The following SEC14L2 variants were observed in gnomAD, a reference collection of about 807,000 sequenced individuals.
SEC14L2 encodes the protein SEC14 like lipid binding 2, also known as SEC14-like protein 2.
A neutral mutation model predicts 56.9 loss-of-function variants in SEC14L2; 50 were observed. The observed-to-expected ratio is 0.88, with a 90% CI of 0.70 to 1.11. The LOEUF (loss-of-function observed/expected upper bound fraction) is 1.11. SEC14L2 is among the 50% of genes most tolerant of loss of function. SEC14L2 has a pLI of 0.00. For missense variants in SEC14L2, 414 were observed against 500.7 expected, an observed-to-expected ratio of 0.83 and a Z score of 1.65; for synonymous variants, 179 against 188.5, an observed-to-expected ratio of 0.95 and a Z score of 0.41.
Position 30,424,709 on chromosome 22 carries a change from C to A in SEC14L2, c.*2302C>A. The A allele has an allele frequency of 2.2e-6, 1 of 456,554 alleles. No homozygotes were observed. The highest frequency in any genetic ancestry group is 1.5e-5 in the South Asian group (1 of 64,556). The allele number at this position is 456,554 out of a possible 1,614,324, so 28.3% of individuals were successfully genotyped here. ...CTCAGGGAGGCTAACAGCCAGTAGG[C>A]GGCACAGCTAGGATTTGAACCCAGG... is the stretch of plus-strand genomic sequence containing the variant. On this transcript the variant is annotated 3_prime_UTR_variant, in exon 12 of 12. Coordinates refer to ENST00000615189, the MANE Select transcript of SEC14L2 (RefSeq NM_012429.5).
At chr22:30,411,773 A>G (rs1934257390) in intron 8 of SEC14L2, among the ~76,000 whole-genome samples, 1 of 125,964 alleles carries the variant, frequency 7.9e-6, no homozygotes, top group African/African-American at 3.0e-5. Context: ...GGGTCCCTTG[A>G]AGGTCTTTTG....
chr22:30,399,806 T>C (rs1049259676), intron 2 of SEC14L2, 88 bp downstream of exon 2: 1 of 1,185,522 alleles, frequency 8.4e-7, no homozygotes, highest in Admixed American at 2.1e-5. Context: ...CCCTTGGCAA[T>C]TGAGGCATCT....
At chr22:30,402,766 A>C (rs1263861064) in intron 2 of SEC14L2, among the ~76,000 whole-genome samples, 2 of 151,236 alleles carry the variant, frequency 1.3e-5, no homozygotes, top group East Asian at 1.9e-4. Flanking sequence ...CCTAAAAAAA[A>C]CCCAAAACCC....
chr22:30,404,316 A>G (rs2283869), intron 2 of SEC14L2, among the ~76,000 whole-genome samples: 1 of 152,008 alleles, frequency 6.6e-6, no homozygotes, highest in Non-Finnish European at 1.5e-5. Context: ...TTCTGCCAGG[A>G]CGTGTCCGGC....
intron 2 of SEC14L2, among the ~76,000 whole-genome samples, chr22:30,402,604 G>A (rs1327007231): frequency 6.6e-6 from 1 of 152,082 alleles, no homozygotes; most frequent in Admixed American, 6.6e-5. Context: ...TCCTTTCCAG[G>A]AAGCCACCCC....
chr22:30,407,335 T>C, intron 4 of SEC14L2, 80 bp from the exon 5 acceptor site: 1 of 1,528,242 alleles, frequency 6.5e-7, no homozygotes, highest in Non-Finnish European at 9.0e-7. Context: ...AAGATACTGA[T>C]GAACCTGGAG....
chr22:30,412,463 T>C (rs1569209672), intron 8 of SEC14L2, among the ~76,000 whole-genome samples: 1 of 151,606 alleles, frequency 6.6e-6, no homozygotes, highest in Admixed American at 6.6e-5. Context: ...GCAAGAGGTG[T>C]TGCAAGCCTG....
At chr22:30,406,533 GCATT>G (rs1601775640) in intron 3 of SEC14L2, 148 bp downstream of exon 3, 1 of 728,968 alleles carries the variant, frequency 1.4e-6, no homozygotes, top group Non-Finnish European at 2.4e-6. Flanking sequence ...GGGACAAATT[GCATT>G]CCCTTCCCTG....
intron 2 of SEC14L2, among the ~76,000 whole-genome samples, chr22:30,401,149 C>T (rs868244405): frequency 5.6e-4 from 85 of 151,664 alleles, no homozygotes; most frequent in Middle Eastern, 3.4e-3. Context: ...TGGGCATGAT[C>T]GTAGGTCACT....
intron 1 of SEC14L2, 148 bp from the exon 2 acceptor site, chr22:30,399,495 G>C (rs5753124): frequency 0.75 from 300,500 of 402,424 alleles, 115,346 homozygotes; most frequent in South Asian, 0.89. Context: ...GCCTGGGCGA[G>C]AGTGCGAGAC....
intron 1 of SEC14L2, among the ~76,000 whole-genome samples, chr22:30,399,094 T>C (rs1933843562): frequency 6.6e-6 from 1 of 152,128 alleles, no homozygotes; most frequent in Non-Finnish European, 1.5e-5. Flanking sequence ...GGAGCCCTTG[T>C]TGTGGGGCAG....
chr22:30,406,473 C>G, intron 3 of SEC14L2, 88 bp downstream of exon 3: 2 of 1,371,916 alleles, frequency 1.5e-6, no homozygotes, highest in South Asian at 2.4e-5. Context: ...CCATCCCAAT[C>G]ACAGCTTTTG....
chr22:30,416,099 G>A lies in SEC14L2; in HGVS notation c.911+12G>A. The A allele has an allele frequency of 6.2e-7, 1 of 1,614,020 alleles. No individual in the cohort carries two copies. The highest frequency in any genetic ancestry group is 8.5e-7 in the Non-Finnish European group (1 of 1,179,874). On this transcript the variant is annotated intron_variant, in intron 10 of 11. Transcript: ENST00000615189. The stretch of plus-strand genomic sequence containing the variant: ...GGCTGTGTCCTCAGGTAGGGGCCTG[G>A]GCCCTTCCAGGAGACCCGAGCTTTC...
intron 2 of SEC14L2, among the ~76,000 whole-genome samples, chr22:30,401,775 C>G (rs1933944699): frequency 6.6e-6 from 1 of 151,304 alleles, no homozygotes; most frequent in East Asian, 1.9e-4. Context: ...TCCGCCTTGG[C>G]CTATTTTTAC....
At position 30,410,731 on chromosome 22, in the gene SEC14L2, C is replaced by A. The variant is rs1186967014; in HGVS notation, c.664+52C>A. 7 of 1,549,092 alleles carry A rather than the reference C, an allele frequency of 4.5e-6. No individual in the cohort carries two copies. In the East Asian group the frequency reaches 1.6e-4, roughly 35 times the overall value. ...CCAAAGGAGGGTCTGTAGCCTAAAT[C>A]GGGTCCAGCTTTAGGGGTGTGGCCG... On this transcript the variant is annotated intron_variant, in intron 8 of 11. Coordinates refer to ENST00000615189, the MANE Select transcript of SEC14L2 (RefSeq NM_012429.5).
At chr22:30,405,723 C>T (rs1934074395) in intron 2 of SEC14L2, among the ~76,000 whole-genome samples, 1 of 152,148 alleles carries the variant, frequency 6.6e-6, no homozygotes, top group Non-Finnish European at 1.5e-5. Context: ...GTCACCCAGG[C>T]TGGAGTATAG....
At chr22:30,411,312 T>C (rs1934239487) in intron 8 of SEC14L2, among the ~76,000 whole-genome samples, 2 of 152,080 alleles carry the variant, frequency 1.3e-5, no homozygotes, top group South Asian at 2.1e-4. Context: ...GAAAAGACAG[T>C]AGACTAGTCA....
intron 1 of SEC14L2, chr22:30,398,925 C>T (rs371556803): frequency 4.5e-4 from 188 of 416,818 alleles, no homozygotes; most frequent in African/African-American, 3.3e-3. Flanking sequence ...AATACTTCTA[C>T]GGGTTGTGAG....
chr22:30,403,847 C>CA (rs1305478161), intron 2 of SEC14L2, among the ~76,000 whole-genome samples: 1 of 151,354 alleles, frequency 6.6e-6, no homozygotes, highest in Non-Finnish European at 1.5e-5. Flanking sequence ...ACTAAAAATA[C>CA]AAAAAATTAG....
Sources: allele counts gnomAD v4.1 joint callset (sites outside exome capture counted in the v4.1 genomes callset), GRCh38; gene constraint gnomAD v4.1.1; transcripts MANE v1.5; gene names NCBI Gene and HGNC (gene_info 2026-07-23, HGNC 2026-07-21).